Variants in TSPAN7 observed in about 807,000 individuals in gnomAD.
The protein encoded by TSPAN7 is tetraspanin 7, also known as tetraspanin-7.
TSPAN7 carries 1 observed loss-of-function variant against 17.6 expected under a neutral mutation model. The observed-to-expected ratio is 0.06, with a 90% CI of 0.02 to 0.27. TSPAN7 has a LOEUF of 0.27. Among genes scored for constraint, TSPAN7 ranks in the 10% least tolerant of loss-of-function variants. The pLI, the probability that TSPAN7 is intolerant of heterozygous loss-of-function variation, is 1.00. For missense variants in TSPAN7, 112 were observed against 201.7 expected (o/e 0.56, Z 2.69); for synonymous variants, 78 against 79.0 (o/e 0.99, Z 0.07).
intron 1 of TSPAN7, chrX:38,563,038 T>G: frequency 7.2e-6 from 7 of 968,801 alleles, no homozygotes; most frequent in Non-Finnish European, 9.3e-6. Context: ...CTGTTTGCAA[T>G]GGTCAAGGAA....
intron 1 of TSPAN7, among the ~76,000 whole-genome samples, chrX:38,593,218 A>G (rs1303714051): frequency 1.8e-5 from 2 of 110,349 alleles, no homozygotes; most frequent in African/African-American, 6.6e-5. Context: ...TTTTAATAAT[A>G]TATCTTGGTA....
intron 1 of TSPAN7, among the ~76,000 whole-genome samples, chrX:38,654,520 A>G (rs2069691290): frequency 8.9e-6 from 1 of 112,547 alleles, no homozygotes; most frequent in Non-Finnish European, 1.9e-5. Flanking sequence ...ACAGGTTTTT[A>G]TCTGAGTGCA....
At chrX:38,642,356 G>A (rs182096182) in intron 1 of TSPAN7, among the ~76,000 whole-genome samples, 23 of 112,091 alleles carry the variant, frequency 2.1e-4, no homozygotes, top group African/African-American at 7.5e-4. Flanking sequence ...GTATTTATAG[G>A]ACAATTATGC....
At chrX:38,638,348 G>T in intron 1 of TSPAN7, among the ~76,000 whole-genome samples, 1 of 112,163 alleles carries the variant, frequency 8.9e-6, no homozygotes, top group East Asian at 2.8e-4. Flanking sequence ...CACACTGTGG[G>T]TTACAAAGAT....
chrX:38,674,139 A>G, intron 3 of TSPAN7, 82 bp from the exon 4 acceptor site: 2 of 713,970 alleles, frequency 2.8e-6, no homozygotes, highest in Non-Finnish European at 4.3e-6. Context: ...AGAAGAGGCT[A>G]TGTTAGGGTA....
At chrX:38,643,465 A>G (rs765095018) in intron 1 of TSPAN7, among the ~76,000 whole-genome samples, 1 of 110,364 alleles carries the variant, frequency 9.1e-6, no homozygotes, top group Non-Finnish European at 1.9e-5. Context: ...CAAAATTGTT[A>G]GAATGGAAGC....
rs564896616 is a variant in TSPAN7 at position 38,614,730 on chromosome X, G to A, written c.82-51391G>A. Among the ~76,000 whole-genome samples the A allele has an allele frequency of 1.6e-3, 179 of 112,384 alleles. 1 individual carries two copies. The highest frequency in any genetic ancestry group is 5.3e-3 in the African/African-American group (165 of 30,986). On this transcript the variant is annotated intron_variant, in intron 1 of 7. Coordinates refer to ENST00000378482, the MANE Select transcript of TSPAN7 (RefSeq NM_004615.4). ...GGTCATTCATGGGCACTGTTGTGCCGTCTATCTGGAGAACAAAGCATGCAT... is the reference window on the plus strand; with the variant it reads ...GGTCATTCATGGGCACTGTTGTGCCATCTATCTGGAGAACAAAGCATGCAT...
At chrX:38,585,152 C>T (rs752578109) in intron 1 of TSPAN7, among the ~76,000 whole-genome samples, 11 of 111,739 alleles carry the variant, frequency 9.8e-5, no homozygotes, top group African/African-American at 3.6e-4. Flanking sequence ...AATGCTGCTA[C>T]GAGCACTCTT....
chrX:38,633,865 G>A (rs1284934069), intron 1 of TSPAN7, among the ~76,000 whole-genome samples: 3 of 112,048 alleles, frequency 2.7e-5, no homozygotes, highest in Admixed American at 1.9e-4. Context: ...ATGCTTAAGC[G>A]ACCTCTTATA....
chrX:38,596,546 G>C (rs1441477964), intron 1 of TSPAN7, among the ~76,000 whole-genome samples: 1 of 110,759 alleles, frequency 9.0e-6, no homozygotes, highest in Non-Finnish European at 1.9e-5. Context: ...ATTGGACGTA[G>C]GTCTATATTG....
intron 1 of TSPAN7, among the ~76,000 whole-genome samples, chrX:38,661,409 C>T (rs1242527707): frequency 2.7e-5 from 3 of 112,368 alleles, no homozygotes; most frequent in African/African-American, 9.7e-5. Flanking sequence ...CATCACCAAG[C>T]CTAAATTAAT....
chrX:38,671,243 A>G, intron 2 of TSPAN7, 133 bp from the exon 3 acceptor site: 1 of 636,093 alleles, frequency 1.6e-6, no homozygotes, highest in Non-Finnish European at 2.6e-6. Flanking sequence ...AATGTTTTAT[A>G]TTTTTTTCTA....
At chrX:38,599,406 G>A (rs774092557) in intron 1 of TSPAN7, among the ~76,000 whole-genome samples, 57 of 111,239 alleles carry the variant, frequency 5.1e-4, no homozygotes, top group Non-Finnish European at 1.0e-3. Flanking sequence ...AATTTTAGGG[G>A]AGCCTCCACC....
intron 1 of TSPAN7, among the ~76,000 whole-genome samples, chrX:38,659,128 A>C (rs1230193953): frequency 1.8e-5 from 2 of 111,827 alleles, no homozygotes; most frequent in Non-Finnish European, 3.8e-5. Context: ...GAGAGAGTTC[A>C]AAGCACATGT....
At chrX:38,638,743 G>T (rs747541334) in intron 1 of TSPAN7, among the ~76,000 whole-genome samples, 2 of 111,626 alleles carry the variant, frequency 1.8e-5, no homozygotes, top group Non-Finnish European at 3.8e-5. Flanking sequence ...ATGTTCTAAG[G>T]CAAGGGGTGT....
At chrX:38,684,958 C>T (rs1196712985) in intron 6 of TSPAN7, among the ~76,000 whole-genome samples, 1 of 111,733 alleles carries the variant, frequency 8.9e-6, no homozygotes, top group Non-Finnish European at 1.9e-5. Flanking sequence ...GCTTTTATAA[C>T]AAAAAGACTT....
chrX:38,632,202 T>G (rs1014396266), intron 1 of TSPAN7, among the ~76,000 whole-genome samples: 3 of 111,873 alleles, frequency 2.7e-5, no homozygotes, highest in African/African-American at 9.8e-5. Context: ...AGACAATTGA[T>G]CTGTGTTTTC....
chrX:38,683,182 G>A (rs1389861975), intron 6 of TSPAN7, among the ~76,000 whole-genome samples: 2 of 111,930 alleles, frequency 1.8e-5, no homozygotes, highest in Non-Finnish European at 3.8e-5. Context: ...GAGCATGAGT[G>A]TGTGTGTGGT....
intron 1 of TSPAN7, among the ~76,000 whole-genome samples, chrX:38,610,371 A>G (rs187886222): frequency 1.8e-5 from 2 of 112,327 alleles, no homozygotes; most frequent in African/African-American, 6.5e-5. Context: ...TGCATGGCAT[A>G]TGTAAACATA....
Sources: allele counts gnomAD v4.1 joint callset (sites outside exome capture counted in the v4.1 genomes callset), GRCh38; gene constraint gnomAD v4.1.1; transcripts MANE v1.5; gene names NCBI Gene and HGNC (gene_info 2026-07-23, HGNC 2026-07-21).